Variants in AKAP6 observed in about 807,000 individuals in gnomAD.
The protein encoded by AKAP6 is A-kinase anchor protein 6.
In AKAP6, 58 loss-of-function variants were observed where a neutral mutation model predicts 188.5. The ratio of observed to expected loss-of-function variants is 0.31; its 90% CI spans 0.25 to 0.38. The LOEUF (loss-of-function observed/expected upper bound fraction) is 0.38, where lower values mean the gene tolerates loss of function less well. AKAP6 is among the 10% of genes least tolerant of loss of function. The pLI is 1.00. For missense variants in AKAP6, 2,710 were observed against 2,740.0 expected (o/e 0.99, Z 0.24); for synonymous variants, 989 against 998.6 (o/e 0.99, Z 0.18).
At position 32,640,984 on chromosome 14, in the gene AKAP6, A is replaced by G. The variant is rs139117876; in HGVS notation, c.2731-37327A>G. Among the ~76,000 whole-genome samples, 7 of 152,284 alleles carry G rather than the reference A, an allele frequency of 4.6e-5. No homozygotes were observed. In the East Asian group the frequency reaches 9.7e-4, roughly 21 times the overall value. ...TTTTGGTGATGTGTTTTCATAAACT[A>G]CTGCAATTGGATGTACCACCTAGAG... On this transcript the variant is annotated intron_variant, in intron 7 of 13. Transcript: ENST00000280979.
chr14:32,653,246 T>C (rs1444700259), intron 7 of AKAP6, among the ~76,000 whole-genome samples: 2 of 152,158 alleles, frequency 1.3e-5, no homozygotes, highest in Admixed American at 1.3e-4. Flanking sequence ...CTTTTATTTA[T>C]TAATAAGTGT....
intron 9 of AKAP6, among the ~76,000 whole-genome samples, chr14:32,715,843 A>C (rs1414346918): frequency 6.6e-6 from 1 of 151,946 alleles, no homozygotes; most frequent in East Asian, 1.9e-4. Flanking sequence ...ATATACAAAT[A>C]AGGAATTAGT....
intron 9 of AKAP6, among the ~76,000 whole-genome samples, chr14:32,725,903 C>A (rs2030848212): frequency 1.3e-5 from 2 of 152,106 alleles, no homozygotes; most frequent in Admixed American, 6.6e-5. Context: ...AAGTTAAAGT[C>A]CTTGGTTGCT....
intron 9 of AKAP6, among the ~76,000 whole-genome samples, chr14:32,705,957 A>C (rs1320485212): frequency 1.3e-5 from 2 of 152,102 alleles, no homozygotes; most frequent in East Asian, 3.9e-4. Flanking sequence ...TTCCACTCAA[A>C]ATTTTTTGGC....
intron 7 of AKAP6, among the ~76,000 whole-genome samples, chr14:32,637,396 G>A (rs1257627992): frequency 2.0e-5 from 3 of 152,120 alleles, no homozygotes; most frequent in African/African-American, 7.2e-5. Flanking sequence ...AAAATTTAGA[G>A]TGAAGAATTA....
At chr14:32,462,916 A>AAAACC (rs563754965) in intron 2 of AKAP6, among the ~76,000 whole-genome samples, 1 of 93,814 alleles carries the variant, frequency 1.1e-5, no homozygotes, top group African/African-American at 7.0e-5. Flanking sequence ...AAAAAAAAAA[A>AAAACC]AAAAAAAAAA....
intron 4 of AKAP6, 91 bp downstream of exon 4, chr14:32,547,090 A>G: frequency 8.5e-7 from 1 of 1,183,180 alleles, no homozygotes. Flanking sequence ...CTATTATAAA[A>G]TGTATGGCTA....
intron 12 of AKAP6, among the ~76,000 whole-genome samples, chr14:32,794,900 TAAAG>T (rs1264916464): frequency 6.6e-6 from 1 of 151,008 alleles, no homozygotes; most frequent in Non-Finnish European, 1.5e-5. Context: ...GCTAGACTAA[TAAAG>T]AAGAAAAGAG....
chr14:32,808,707 A>T (rs2034150492), intron 12 of AKAP6, among the ~76,000 whole-genome samples: 1 of 152,182 alleles, frequency 6.6e-6, no homozygotes, highest in Non-Finnish European at 1.5e-5. Context: ...AGCAGCACTC[A>T]TACAGTAGCA....
At chr14:32,458,201 A>G (rs1050106327) in intron 2 of AKAP6, among the ~76,000 whole-genome samples, 2 of 152,150 alleles carry the variant, frequency 1.3e-5, no homozygotes, top group African/African-American at 4.8e-5. Flanking sequence ...AGAAAAAACA[A>G]TTTTTTAGAT....
chr14:32,690,159 T>C (rs1890118421), intron 8 of AKAP6, among the ~76,000 whole-genome samples: 2 of 151,430 alleles, frequency 1.3e-5, no homozygotes, highest in Non-Finnish European at 2.9e-5. Context: ...TGAGGACTTT[T>C]AGTGTTATAT....
chr14:32,744,039 T>G (rs1276131127), intron 11 of AKAP6, among the ~76,000 whole-genome samples: 1 of 152,198 alleles, frequency 6.6e-6, no homozygotes, highest in Non-Finnish European at 1.5e-5. Context: ...GAAAGATATT[T>G]TTGCCAGATA....
chr14:32,388,401 G>T (rs1888602256), intron 1 of AKAP6, among the ~76,000 whole-genome samples: 1 of 151,674 alleles, frequency 6.6e-6, no homozygotes, highest in African/African-American at 2.4e-5. Context: ...TCTTCTGCTG[G>T]GTTTGGGTTT....
intron 4 of AKAP6, among the ~76,000 whole-genome samples, chr14:32,560,285 G>A (rs1883893774): frequency 6.6e-6 from 1 of 152,156 alleles, no homozygotes; most frequent in Admixed American, 6.5e-5. Flanking sequence ...CATTGCTAAT[G>A]GATTTGTTGA....
chr14:32,434,251 C>G (rs1487847127), intron 2 of AKAP6, among the ~76,000 whole-genome samples: 1 of 152,112 alleles, frequency 6.6e-6, no homozygotes. Context: ...TGAATTCTGA[C>G]ATAGTAGGGA....
chr14:32,629,626 A>G (rs1887172070), intron 7 of AKAP6, among the ~76,000 whole-genome samples: 1 of 151,960 alleles, frequency 6.6e-6, no homozygotes, highest in African/African-American at 2.4e-5. Flanking sequence ...TAGTAAGAGA[A>G]TGTACAAGTA....
chr14:32,726,987 A>G (rs2030905901), intron 9 of AKAP6, among the ~76,000 whole-genome samples: 1 of 152,224 alleles, frequency 6.6e-6, no homozygotes, highest in Non-Finnish European at 1.5e-5. Context: ...TGCCCTAAAC[A>G]GTATTAAATA....
chr14:32,348,767 A>G (rs1280541164), intron 1 of AKAP6, among the ~76,000 whole-genome samples: 1 of 152,096 alleles, frequency 6.6e-6, no homozygotes, highest in East Asian at 1.9e-4. Context: ...CTTCTGATAC[A>G]TGCTAAACCA....
chr14:32,591,970 G>A (rs1411674402), intron 5 of AKAP6, among the ~76,000 whole-genome samples: 4 of 152,144 alleles, frequency 2.6e-5, no homozygotes, highest in African/African-American at 7.2e-5. Flanking sequence ...TGGCAATTAC[G>A]CTGGGATCAT....
Sources: allele counts gnomAD v4.1 joint callset (sites outside exome capture counted in the v4.1 genomes callset), GRCh38; gene constraint gnomAD v4.1.1; transcripts MANE v1.5; gene names NCBI Gene and HGNC (gene_info 2026-07-23, HGNC 2026-07-21).